MMP26: variants seen among roughly 807,000 people sequenced by gnomAD.
The protein encoded by MMP26 is matrix metallopeptidase 26, also known as matrix metalloproteinase-26.
MMP26 carries 33 observed loss-of-function variants against 31.0 expected under a neutral mutation model. That is an observed-to-expected ratio of 1.06 (90% CI 0.81 to 1.42). The LOEUF (loss-of-function observed/expected upper bound fraction) is 1.42, where lower values mean the gene tolerates loss of function less well. MMP26 is among the 40% of genes most tolerant of loss of function. MMP26 has a pLI of 0.00. For synonymous variants in MMP26, 122 were observed against 114.9 expected (o/e 1.06, Z -0.40); for missense variants, 347 against 316.1 (o/e 1.10, Z -0.74).
chr11:4,963,198 A>G (rs1421196664), intron 2 of MMP26, among the ~76,000 whole-genome samples: 1 of 152,218 alleles, frequency 6.6e-6, no homozygotes, highest in Non-Finnish European at 1.5e-5. Context: ...GACCTCTTCA[A>G]GGAGAACTAC....
intron 2 of MMP26, among the ~76,000 whole-genome samples, chr11:4,772,893 T>G (rs1848744638): frequency 6.6e-6 from 1 of 152,212 alleles, no homozygotes. Flanking sequence ...TCTACTCTGC[T>G]ATTACTCCTG....
intron 2 of MMP26, among the ~76,000 whole-genome samples, chr11:4,917,270 A>C (rs984713099): frequency 9.2e-5 from 14 of 152,216 alleles, no homozygotes; most frequent in Admixed American, 3.9e-4. Flanking sequence ...TAGATAAGAA[A>C]ACAGAAGCTT....
chr11:4,946,018 G>A (rs796800028), intron 2 of MMP26: 18 of 765,380 alleles, frequency 2.4e-5, no homozygotes, highest in East Asian at 7.9e-5. Flanking sequence ...ATTCTCATTC[G>A]CAGTATCCAG....
chr11:4,981,228 G>A (rs74054426), intron 2 of MMP26, among the ~76,000 whole-genome samples: 4,922 of 151,848 alleles, frequency 0.032, 285 homozygotes, highest in African/African-American at 0.11. Flanking sequence ...AAACATATAG[G>A]TGTGTTTGTG....
At chr11:4,734,834 G>A (rs1232929644) in intron 1 of MMP26, among the ~76,000 whole-genome samples, 6 of 152,150 alleles carry the variant, frequency 3.9e-5, no homozygotes, top group African/African-American at 7.2e-5. Flanking sequence ...GAATAGCATC[G>A]CATAGCATAT....
At chr11:4,970,396 A>C (rs183543617) in intron 2 of MMP26, among the ~76,000 whole-genome samples, 677 of 152,360 alleles carry the variant, frequency 4.4e-3, no homozygotes, top group Middle Eastern at 0.02. Context: ...GGCTGTTTCC[A>C]AAGCTCCTCT....
At chr11:4,977,972 G>A (rs1293912223) in intron 2 of MMP26, among the ~76,000 whole-genome samples, 3 of 152,030 alleles carry the variant, frequency 2.0e-5, no homozygotes, top group Non-Finnish European at 4.4e-5. Flanking sequence ...GGAAAGACCT[G>A]GTGGGAGGTG....
chr11:4,956,365 G>C (rs1237202197), intron 2 of MMP26, among the ~76,000 whole-genome samples: 1 of 152,154 alleles, frequency 6.6e-6, no homozygotes, highest in African/African-American at 2.4e-5. Context: ...CTGAAAATTG[G>C]AATAAACATT....
chr11:4,707,579 G>GT (rs1847796836), intron 1 of MMP26, among the ~76,000 whole-genome samples: 1 of 152,134 alleles, frequency 6.6e-6, no homozygotes, highest in South Asian at 2.1e-4. Context: ...GAAAATAAAT[G>GT]TTTTTATCAC....
intron 1 of MMP26, among the ~76,000 whole-genome samples, chr11:4,765,378 T>C (rs527512430): frequency 2.0e-5 from 3 of 152,232 alleles, no homozygotes. Flanking sequence ...CTTCCTTCTC[T>C]CTTTAACTCA....
At chr11:4,771,523 C>T (rs1232514346) in intron 2 of MMP26, among the ~76,000 whole-genome samples, 7 of 152,084 alleles carry the variant, frequency 4.6e-5, no homozygotes, top group Non-Finnish European at 8.8e-5. Context: ...GCTATATCGC[C>T]TCTTTCAAGT....
Position 4,887,824 on chromosome 11 carries a change from A to G in MMP26, c.-144-100244A>G, listed in dbSNP as rs75457496. ...AATTCCTCTGAGGAAACAAAATACA[A>G]GTTAAGAGAAACAGACATGCAACTG... On this transcript the variant is annotated intron_variant, in intron 2 of 7. Transcript: ENST00000380390. Among the ~76,000 whole-genome samples the G allele has an allele frequency of 7.5e-3, 1,142 of 152,254 alleles. 10 individuals are homozygous for G. The highest frequency in any genetic ancestry group is 0.026 in the African/African-American group (1,088 of 41,566).
intron 1 of MMP26, among the ~76,000 whole-genome samples, chr11:4,762,075 A>G (rs941983645): frequency 3.3e-5 from 5 of 152,176 alleles, no homozygotes; most frequent in African/African-American, 4.8e-5. Context: ...AGTCAGGTAC[A>G]TTATATTATT....
Position 4,992,072 on chromosome 11 carries a change from C to CTAGA in MMP26, c.705_708dup (p.Thr237Ter), listed in dbSNP as rs1416713536. ...TACCCCACTTACTGGTATCACGACC[C>CTAGA]TAGAACCTTCCAGCTCAGTGCCGAT... On this transcript the variant is annotated frameshift_variant, in exon 7 of 8. Transcript: ENST00000380390. LOFTEE classifies it high-confidence loss of function. 1 of 1,614,004 alleles carries CTAGA rather than the reference C, an allele frequency of 6.2e-7. No homozygotes were observed. The highest frequency in any genetic ancestry group is 2.2e-5 in the East Asian group (1 of 44,860).
chr11:4,835,286 A>G (rs1219852245), intron 2 of MMP26, among the ~76,000 whole-genome samples: 1 of 151,548 alleles, frequency 6.6e-6, no homozygotes, highest in Non-Finnish European at 1.5e-5. Context: ...TTGTTTATCA[A>G]GTAGACCAAC....
At chr11:4,930,729 A>G (rs2133590342) in intron 2 of MMP26, among the ~76,000 whole-genome samples, 1 of 152,230 alleles carries the variant, frequency 6.6e-6, no homozygotes, top group Non-Finnish European at 1.5e-5. Context: ...CTATACTTGC[A>G]CAGGGATCTA....
chr11:4,990,775 T>A, intron 5 of MMP26, 29 bp downstream of exon 5: 1 of 1,612,898 alleles, frequency 6.2e-7, no homozygotes, highest in Non-Finnish European at 8.5e-7. Context: ...AAGAAGGATA[T>A]GTATATGCCC....
At chr11:4,873,544 T>A (rs748192241) in intron 2 of MMP26, among the ~76,000 whole-genome samples, 1 of 152,108 alleles carries the variant, frequency 6.6e-6, no homozygotes, top group Non-Finnish European at 1.5e-5. Flanking sequence ...ATTTAGGTAA[T>A]ACAGAATTTG....
intron 2 of MMP26, among the ~76,000 whole-genome samples, chr11:4,856,769 A>G (rs1317217609): frequency 1.3e-5 from 2 of 152,216 alleles, no homozygotes; most frequent in Admixed American, 1.3e-4. Flanking sequence ...CAGAATACAC[A>G]TTCTTCTCAG....
Sources: gnomAD v4.1 joint callset for allele counts (sites outside exome capture counted in the v4.1 genomes callset) on GRCh38, gnomAD v4.1.1 for gene constraint, MANE v1.5 for transcripts, NCBI Gene and HGNC (gene_info 2026-07-23, HGNC 2026-07-21) for gene names.